GPATCH2L: variants seen among roughly 807,000 people sequenced by gnomAD.
GPATCH2L encodes the protein G-patch domain containing 2 like, also known as G patch domain-containing protein 2-like.
Under a neutral mutation model 57.4 loss-of-function variants are expected in GPATCH2L, and 31 were observed. That is an observed-to-expected ratio of 0.54 (90% CI 0.41 to 0.73). GPATCH2L has a LOEUF of 0.73. Among genes scored for constraint, GPATCH2L ranks in the 30% least tolerant of loss-of-function variants. The pLI is 0.00. For synonymous variants in GPATCH2L, 199 were observed against 210.7 expected (o/e 0.94, Z 0.48); for missense variants, 481 against 599.9 (o/e 0.80, Z 2.07).
At chr14:76,196,322 T>G (rs2040148787) in intron 9 of GPATCH2L, 1 of 590,442 alleles carries the variant, frequency 1.7e-6, no homozygotes, top group Admixed American at 3.0e-5. Context: ...GTTATTTACT[T>G]TCTTATTTTG....
intron 2 of GPATCH2L, among the ~76,000 whole-genome samples, chr14:76,156,977 T>G (rs757515915): frequency 2.1e-4 from 32 of 152,240 alleles, no homozygotes; most frequent in Non-Finnish European, 4.4e-4. Context: ...TGGGAATTCT[T>G]ATGAAATTCT....
At chr14:76,225,137 A>G (rs1316952425) in intron 1 of GPATCH2L, among the ~76,000 whole-genome samples, 1 of 152,194 alleles carries the variant, frequency 6.6e-6, no homozygotes, top group Non-Finnish European at 1.5e-5. Flanking sequence ...TGAAACATGG[A>G]AACATTAGAG....
downstream of GPATCH2L, among the ~76,000 whole-genome samples, chr14:76,218,470 A>G (rs538842004): frequency 1.6e-4 from 24 of 152,270 alleles, no homozygotes; most frequent in African/African-American, 5.5e-4. Context: ...AATAAACACA[A>G]GAAATATTAT....
chr14:76,176,664 T>C lies in GPATCH2L; in HGVS notation c.1026T>C (p.His342=). Residue 342 remains histidine, a synonymous_variant, in exon 6 of 10, where the codon CAT becomes CAC. Transcript: ENST00000261530. The part of the protein sequence containing the change: ...INTLGTERIS[H]IISDPRQKEK... ...CTTTGGGGACTGAGAGGATAAGCCA[T>C]ATCATTAGTGACCCTCGGCAGAAAG... is the stretch of plus-strand genomic sequence containing the variant. The C allele has an allele frequency of 4.3e-6, 7 of 1,611,096 alleles. No individual in the cohort carries two copies. Among genetic ancestry groups the C allele is most frequent in the Non-Finnish European group, 5.1e-6 (6 of 1,177,216 alleles).
chr14:76,163,020 T>C (rs2139598401), intron 2 of GPATCH2L, among the ~76,000 whole-genome samples: 1 of 152,300 alleles, frequency 6.6e-6, no homozygotes, highest in South Asian at 2.1e-4. Context: ...GAATGAACAG[T>C]CCTGAAATTC....
intron 2 of GPATCH2L, among the ~76,000 whole-genome samples, chr14:76,157,470 T>A (rs1290968581): frequency 6.6e-6 from 1 of 152,216 alleles, no homozygotes; most frequent in East Asian, 1.9e-4. Context: ...CCTGCATTTT[T>A]AAAAGAAATA....
intron 7 of GPATCH2L, 57 bp downstream of exon 7, chr14:76,178,099 T>A: frequency 1.4e-6 from 2 of 1,387,048 alleles, no homozygotes; most frequent in Non-Finnish European, 2.0e-6. Context: ...TTTCTAAGAG[T>A]ATCCAACACT....
At chr14:76,195,733 A>T in intron 8 of GPATCH2L, 145 bp from the exon 9 acceptor site, 1 of 661,046 alleles carries the variant, frequency 1.5e-6, no homozygotes, top group East Asian at 2.6e-5. Flanking sequence ...ATTCTGAATA[A>T]TGTTGTCCCA....
rs1464397109 is a variant in GPATCH2L at position 76,202,932 on chromosome 14, A to T, written c.*1081A>T. 3 of 152,222 alleles carry T rather than the reference A, an allele frequency of 2.0e-5. No individual in the cohort carries two copies. Among genetic ancestry groups the T allele is most frequent in the African/African-American group, 4.8e-5 (2 of 41,440 alleles). The allele number at this position is 152,222 out of a possible 1,614,324, so 9.4% of individuals were successfully genotyped here. The stretch of plus-strand genomic sequence containing the variant: ...GAAGCCACGCTTTCTAGAAAATATT[A>T]TCAGGAGTGTCTGTCATTCATTCAG... On this transcript the variant is annotated 3_prime_UTR_variant, in exon 10 of 10. Transcript: ENST00000261530.
chr14:76,220,599 T>G (rs1345757565), intron 1 of GPATCH2L, among the ~76,000 whole-genome samples: 1 of 152,322 alleles, frequency 6.6e-6, no homozygotes, highest in East Asian at 1.9e-4. Flanking sequence ...ACCTAATTAA[T>G]GTCCATAGAA....
chr14:76,170,012 C>G (rs1266766947), intron 3 of GPATCH2L, among the ~76,000 whole-genome samples: 4 of 152,154 alleles, frequency 2.6e-5, no homozygotes, highest in African/African-American at 7.2e-5. Context: ...CATGTTTTAA[C>G]AAGCCCTCCT....
rs1362306449 is a variant in GPATCH2L, at chr14:76,204,062, G to A, written c.*2211G>A. 1.3e-5 allele frequency: 2 copies of A among 152,120 alleles called. No individual in the cohort carries two copies. Among genetic ancestry groups the A allele is most frequent in the Non-Finnish European group, 2.9e-5 (2 of 68,040 alleles). 9.4% of individuals were successfully genotyped at this position (152,120 alleles called of 1,614,324 possible). Reference sequence around the variant, plus strand: ...TTTACATTTCAAACATCTCTACGAAGTCATGCCATTTTAAGGAGATGAAAA... The same window carrying A: ...TTTACATTTCAAACATCTCTACGAAATCATGCCATTTTAAGGAGATGAAAA... On this transcript the variant is annotated 3_prime_UTR_variant, in exon 10 of 10. Transcript: ENST00000261530.
chr14:76,232,912 G>A (rs1289464154), intron 2 of GPATCH2L, among the ~76,000 whole-genome samples: 1 of 152,160 alleles, frequency 6.6e-6, no homozygotes, highest in Non-Finnish European at 1.5e-5. Flanking sequence ...CCCTCCAGAG[G>A]TAAAATGGAT....
intron 2 of GPATCH2L, among the ~76,000 whole-genome samples, chr14:76,159,984 T>A (rs1290143248): frequency 1.3e-5 from 2 of 151,874 alleles, no homozygotes; most frequent in African/African-American, 4.8e-5. Flanking sequence ...TACAAAAAAA[T>A]TAGCCTTGGC....
intron 2 of GPATCH2L, among the ~76,000 whole-genome samples, chr14:76,232,024 GCTT>G (rs1595016271): frequency 0.022 from 35 of 1,574 alleles, no homozygotes; most frequent in South Asian, 0.033. Context: ...CAATCTTCCT[GCTT>G]CAGCCCTCCA....
At chr14:76,178,142 T>C (rs2039414111) in intron 7 of GPATCH2L, 100 bp downstream of exon 7, 4 of 1,259,342 alleles carry the variant, frequency 3.2e-6, no homozygotes, top group Non-Finnish European at 4.6e-6. Flanking sequence ...TTCCTCTTTG[T>C]AGGTTCAACT....
At chr14:76,190,222 C>T (rs2039917407) in intron 8 of GPATCH2L, among the ~76,000 whole-genome samples, 1 of 151,908 alleles carries the variant, frequency 6.6e-6, no homozygotes, top group African/African-American at 2.4e-5. Flanking sequence ...CAGTTACCTG[C>T]AGTAAAAAAG....
At chr14:76,232,068 C>A (rs540182603) in intron 2 of GPATCH2L, among the ~76,000 whole-genome samples, 2 of 7,126 alleles carry the variant, frequency 2.8e-4, no homozygotes, top group East Asian at 9.0e-3. Flanking sequence ...TGCGCCACCA[C>A]GCCCAGCTAA....
At chr14:76,227,478 A>AAAG (rs755962903) in intron 1 of GPATCH2L, among the ~76,000 whole-genome samples, 1 of 152,170 alleles carries the variant, frequency 6.6e-6, no homozygotes, top group Non-Finnish European at 1.5e-5. Flanking sequence ...TAGAACCCAA[A>AAAG]GTATGAAGTT....
Sources: allele counts gnomAD v4.1 joint callset (sites outside exome capture counted in the v4.1 genomes callset), GRCh38; gene constraint gnomAD v4.1.1; transcripts MANE v1.5; gene names NCBI Gene and HGNC (gene_info 2026-07-23, HGNC 2026-07-21).